Variants in PID1 observed in about 807,000 individuals in gnomAD.
PID1 encodes the protein PTB-containing, cubilin and LRP1-interacting protein.
In PID1, 10 loss-of-function variants were observed where a neutral mutation model predicts 19.1. The ratio of observed to expected loss-of-function variants is 0.52; its 90% CI spans 0.32 to 0.89. The LOEUF is 0.89. PID1 is among the 40% of genes least tolerant of loss of function. The pLI is 0.03. For synonymous variants in PID1, 130 were observed against 116.0 expected, an observed-to-expected ratio of 1.12 and a Z score of -0.78; for missense variants, 248 against 285.3, an observed-to-expected ratio of 0.87 and a Z score of 0.94.
chr2:229,139,307 A>G (rs1049132996), intron 2 of PID1, among the ~76,000 whole-genome samples: 14 of 151,908 alleles, frequency 9.2e-5, no homozygotes, highest in Non-Finnish European at 7.4e-5. Flanking sequence ...CTTCCTTCAC[A>G]GTGATGGCAC....
At chr2:229,149,682 C>T (rs1462468297) in intron 2 of PID1, among the ~76,000 whole-genome samples, 1 of 152,140 alleles carries the variant, frequency 6.6e-6, no homozygotes, top group African/African-American at 2.4e-5. Flanking sequence ...GTTTGTTTGA[C>T]AGTTACCCTC....
At chr2:229,231,166 G>A (rs1013020758) in intron 1 of PID1, among the ~76,000 whole-genome samples, 5 of 151,910 alleles carry the variant, frequency 3.3e-5, no homozygotes, top group African/African-American at 1.2e-4. Flanking sequence ...CCTGGAGATG[G>A]GATTAGAGGC....
chr2:229,240,690 T>C (rs1236691056), intron 1 of PID1, among the ~76,000 whole-genome samples: 1 of 152,168 alleles, frequency 6.6e-6, no homozygotes, highest in East Asian at 1.9e-4. Flanking sequence ...AACAAAAGTG[T>C]AGTTTTCTTT....
intron 1 of PID1, among the ~76,000 whole-genome samples, chr2:229,166,765 C>T (rs1690605859): frequency 6.6e-6 from 1 of 152,058 alleles, no homozygotes; most frequent in Non-Finnish European, 1.5e-5. Flanking sequence ...AAGATGATCC[C>T]AGGGCATCTT....
At chr2:229,148,904 G>T (rs1303486095) in intron 2 of PID1, among the ~76,000 whole-genome samples, 1 of 152,044 alleles carries the variant, frequency 6.6e-6, no homozygotes, top group Non-Finnish European at 1.5e-5. Context: ...TCCTGCATTT[G>T]AGGAGACAAG....
chr2:229,057,371 G>A (rs112451268), intron 2 of PID1, among the ~76,000 whole-genome samples: 150 of 151,366 alleles, frequency 9.9e-4, no homozygotes, highest in African/African-American at 3.4e-3. Flanking sequence ...CCGGAGAGTC[G>A]CTTGAATCCA....
In PID1 at chr2:229,227,119, T is replaced by C. The variant is rs538734619; in HGVS notation, c.30+43895A>G. Among the ~76,000 whole-genome samples the C allele has an allele frequency of 2.0e-5, 3 of 152,368 alleles. No homozygotes were observed. In the East Asian group the frequency reaches 5.8e-4, roughly 29 times the overall value. On this transcript the variant is annotated intron_variant, in intron 1 of 2. Coordinates refer to ENST00000392055, the MANE Select transcript of PID1 (RefSeq NM_001100818.2). The stretch of plus-strand genomic sequence containing the variant: ...ACATTTTGATATTTTGATTTTTTAA[T>C]GAAATAATCATAAAAGGACTTGACC...
At chr2:229,152,542 T>C (rs1455106564) in intron 2 of PID1, among the ~76,000 whole-genome samples, 2 of 151,662 alleles carry the variant, frequency 1.3e-5, no homozygotes, top group Non-Finnish European at 2.9e-5. Context: ...AGGAGAAAGG[T>C]GTGACAAGCC....
intron 2 of PID1, among the ~76,000 whole-genome samples, chr2:229,143,926 G>C (rs1690071910): frequency 6.6e-6 from 1 of 152,078 alleles, no homozygotes; most frequent in South Asian, 2.1e-4. Flanking sequence ...CCAGTTTCAG[G>C]TAGTTCCTTA....
intron 2 of PID1, among the ~76,000 whole-genome samples, chr2:229,151,568 TTTC>T (rs1690253115): frequency 6.7e-6 from 1 of 150,040 alleles, no homozygotes; most frequent in African/African-American, 2.4e-5. Context: ...AAGACTTCTA[TTTC>T]TTTTTTTTTT....
At chr2:229,036,054 A>C (rs1161970346) in intron 2 of PID1, among the ~76,000 whole-genome samples, 1 of 152,332 alleles carries the variant, frequency 6.6e-6, no homozygotes, top group East Asian at 1.9e-4. Context: ...GAATAATTCC[A>C]AAAAGCAAAC....
At chr2:229,134,458 G>T (rs1158805699) in intron 2 of PID1, among the ~76,000 whole-genome samples, 1 of 151,380 alleles carries the variant, frequency 6.6e-6, no homozygotes, top group Non-Finnish European at 1.5e-5. Flanking sequence ...GGGCCAGGCT[G>T]GTCTCGAACT....
At position 229,036,989 on chromosome 2, in the gene PID1, T is replaced by A. The variant is rs533930522; in HGVS notation, c.178-10881A>T. Among the ~76,000 whole-genome samples the A allele has an allele frequency of 3.3e-5, 5 of 152,322 alleles. No individual in the cohort carries two copies. In the East Asian group the frequency reaches 9.7e-4, roughly 29 times the overall value. On this transcript the variant is annotated intron_variant, in intron 2 of 2. Coordinates refer to ENST00000392055, the MANE Select transcript of PID1 (RefSeq NM_001100818.2). ...TTTTGGTTTGTTTTTCTAAATGGAA[T>A]GATTATGACCCAGAAAGGCATACAG...
At chr2:229,049,187 A>C (rs905746429) in intron 2 of PID1, among the ~76,000 whole-genome samples, 1 of 152,192 alleles carries the variant, frequency 6.6e-6, no homozygotes. Context: ...TTCAATAATG[A>C]TGATCATCAC....
chr2:229,270,906 A>C (rs1690719164), intron 1 of PID1, 108 bp downstream of exon 1: 1 of 974,974 alleles, frequency 1.0e-6, no homozygotes, highest in South Asian at 1.8e-5. Context: ...TGCGTCTTAC[A>C]AGATGGTTTT....
chr2:229,026,995 CTTAAGAGA>C (rs1693437429), intron 2 of PID1, among the ~76,000 whole-genome samples: 1 of 152,064 alleles, frequency 6.6e-6, no homozygotes, highest in Admixed American at 6.5e-5. Flanking sequence ...AGGCATAAAA[CTTAAGAGA>C]TCATCTAAGA....
intron 2 of PID1, among the ~76,000 whole-genome samples, chr2:229,147,933 AG>A (rs1390533753): frequency 2.6e-5 from 4 of 152,230 alleles, no homozygotes; most frequent in Non-Finnish European, 5.9e-5. Flanking sequence ...GGAAGCTTTC[AG>A]GGATCTCCAG....
At chr2:229,049,877 A>T (rs1182949752) in intron 2 of PID1, among the ~76,000 whole-genome samples, 1 of 151,984 alleles carries the variant, frequency 6.6e-6, no homozygotes, top group African/African-American at 2.4e-5. Flanking sequence ...GAAGCATCCA[A>T]CTCTTTTATA....
intron 1 of PID1, among the ~76,000 whole-genome samples, chr2:229,267,322 A>G (rs1690615796): frequency 6.6e-6 from 1 of 152,226 alleles, no homozygotes; most frequent in African/African-American, 2.4e-5. Context: ...AACAGAAAAA[A>G]TTGCCCAGGC....
Sources: allele counts gnomAD v4.1 joint callset (sites outside exome capture counted in the v4.1 genomes callset), GRCh38; gene constraint gnomAD v4.1.1; transcripts MANE v1.5; gene names NCBI Gene and HGNC (gene_info 2026-07-23, HGNC 2026-07-21).